The following LINGO2 variants were observed in gnomAD, a reference collection of about 807,000 sequenced individuals.
The protein encoded by LINGO2 is leucine-rich repeat and immunoglobulin-like domain-containing nogo receptor-interacting protein 2.
Under a neutral mutation model 30.6 loss-of-function variants are expected in LINGO2, and 14 were observed. The ratio of observed to expected loss-of-function variants is 0.46; its 90% CI spans 0.30 to 0.72. The LOEUF (loss-of-function observed/expected upper bound fraction) is 0.72, where lower values mean the gene tolerates loss of function less well. LINGO2 is among the 30% of genes least tolerant of loss of function. The probability of loss-of-function intolerance (pLI) is 0.07; values close to 1 mark genes in which losing one functional copy is unlikely to be tolerated. For synonymous variants in LINGO2, 317 were observed against 288.5 expected (o/e 1.10, Z -1.00); for missense variants, 729 against 751.7 (o/e 0.97, Z 0.35).
At chr9:28,774,203 C>T in the LINGO2 span, among the ~76,000 whole-genome samples, 1 of 152,034 alleles carries the variant, frequency 6.6e-6, no homozygotes, top group African/African-American at 2.4e-5. Context: ...TCAGGAGGTT[C>T]AAGTTTCTAT....
chr9:28,937,075 C>T, the LINGO2 span, among the ~76,000 whole-genome samples: 1 of 152,128 alleles, frequency 6.6e-6, no homozygotes, highest in South Asian at 2.1e-4. Flanking sequence ...TTCTTAAAGA[C>T]ACTGTCTCTA....
intron 4 of LINGO2, among the ~76,000 whole-genome samples, chr9:28,110,279 A>T (rs947862049): frequency 2.0e-5 from 3 of 152,194 alleles, no homozygotes; most frequent in African/African-American, 7.2e-5. Context: ...TAAAACTCCA[A>T]ACCATAAAAA....
chr9:28,387,736 A>G (rs1041941743), intron 2 of LINGO2, among the ~76,000 whole-genome samples: 1 of 152,196 alleles, frequency 6.6e-6, no homozygotes, highest in African/African-American at 2.4e-5. Flanking sequence ...CAGCAAGACT[A>G]CAAACCCACT....
In LINGO2 at chr9:28,272,061, T is replaced by C. The variant is rs146539126; in HGVS notation, c.-87+23147A>G. 2.9e-3 allele frequency among the ~76,000 whole-genome samples: 435 copies of C among 152,278 alleles called. 8 individuals are homozygous for C. The highest frequency in any genetic ancestry group is 3.1e-3 in the Non-Finnish European group (214 of 68,020). On this transcript the variant is annotated intron_variant, in intron 4 of 5. Coordinates refer to ENST00000379992, the Ensembl canonical transcript of LINGO2. ...CCAGTCAACTAAGACCTTTCCTGCA[T>C]CCTTACTTCTTCCCCATGTCATCCA... is the stretch of plus-strand genomic sequence containing the variant.
At chr9:28,122,508 T>C (rs1017448790) in intron 4 of LINGO2, among the ~76,000 whole-genome samples, 3 of 152,232 alleles carry the variant, frequency 2.0e-5, no homozygotes, top group Non-Finnish European at 4.4e-5. Context: ...TTTGCTAACC[T>C]GTCCAGAATC....
At chr9:27,967,024 GAT>G (rs1820136561) in intron 5 of LINGO2, among the ~76,000 whole-genome samples, 1 of 152,124 alleles carries the variant, frequency 6.6e-6, no homozygotes, top group Non-Finnish European at 1.5e-5. Context: ...TTGAACAAAA[GAT>G]AATCTCTCTG....
intron 1 of LINGO2, among the ~76,000 whole-genome samples, chr9:28,618,109 A>C (rs1444778528): frequency 6.6e-6 from 1 of 152,138 alleles, no homozygotes; most frequent in East Asian, 1.9e-4. Context: ...ATTATGAGAT[A>C]AAACTGGTCT....
At chr9:28,355,233 A>C (rs12553137) in intron 3 of LINGO2, among the ~76,000 whole-genome samples, 5,115 of 127,100 alleles carry the variant, frequency 0.04, 126 homozygotes, top group East Asian at 0.1. Context: ...ATCTGTCTCT[A>C]TCTCTCTCTG....
At chr9:29,124,534 A>G in the LINGO2 span, among the ~76,000 whole-genome samples, 5 of 152,350 alleles carry the variant, frequency 3.3e-5, no homozygotes, top group South Asian at 1.0e-3. Flanking sequence ...GCTAATATCC[A>G]GAATCTACAA....
intron 1 of LINGO2, among the ~76,000 whole-genome samples, chr9:28,667,221 C>T (rs573931559): frequency 6.6e-6 from 1 of 152,212 alleles, no homozygotes; most frequent in African/African-American, 2.4e-5. Context: ...TTGTAATTTT[C>T]ACAGTTTTTT....
intron 1 of LINGO2, among the ~76,000 whole-genome samples, chr9:28,538,396 T>A (rs1485586932): frequency 6.6e-6 from 1 of 151,962 alleles, no homozygotes; most frequent in Non-Finnish European, 1.5e-5. Flanking sequence ...TTGGAAGAGG[T>A]TGATAGAGAT....
At chr9:28,689,367 A>G in the LINGO2 span, among the ~76,000 whole-genome samples, 164 of 152,308 alleles carry the variant, frequency 1.1e-3, no homozygotes, top group African/African-American at 3.8e-3. Flanking sequence ...CAGGTAAAAA[A>G]CAAACAACCA....
intron 1 of LINGO2, among the ~76,000 whole-genome samples, chr9:28,500,091 T>C (rs1266095284): frequency 6.6e-6 from 1 of 152,146 alleles, no homozygotes; most frequent in Non-Finnish European, 1.5e-5. Context: ...CTCCCTGTTT[T>C]GGTCTTGGCT....
chr9:29,066,681 T>G, the LINGO2 span, among the ~76,000 whole-genome samples: 35 of 152,024 alleles, frequency 2.3e-4, no homozygotes, highest in Non-Finnish European at 4.3e-4. Context: ...ATATAGAGAA[T>G]GAAAGTGTCA....
chr9:28,342,775 G>C (rs1392632017), intron 3 of LINGO2, among the ~76,000 whole-genome samples: 1 of 151,596 alleles, frequency 6.6e-6, no homozygotes, highest in Non-Finnish European at 1.5e-5. Context: ...GACTCTACAT[G>C]GTTAAAACAT....
chr9:28,891,886 A>C, the LINGO2 span, among the ~76,000 whole-genome samples: 1 of 151,920 alleles, frequency 6.6e-6, no homozygotes, highest in African/African-American at 2.4e-5. Context: ...GAATGCTGTA[A>C]GGCACTTAAA....
At chr9:28,784,809 G>A in the LINGO2 span, among the ~76,000 whole-genome samples, 1 of 151,990 alleles carries the variant, frequency 6.6e-6, no homozygotes, top group East Asian at 1.9e-4. Context: ...AAAGTTAGCT[G>A]GGCGTGGTGG....
At chr9:28,435,303 T>G (rs541605724) in intron 2 of LINGO2, among the ~76,000 whole-genome samples, 1 of 152,342 alleles carries the variant, frequency 6.6e-6, no homozygotes. Context: ...AACACTCTAG[T>G]ACCTTTATAA....
intron 2 of LINGO2, among the ~76,000 whole-genome samples, chr9:28,468,012 G>A (rs746345990): frequency 1.2e-4 from 18 of 151,944 alleles, no homozygotes; most frequent in Non-Finnish European, 2.5e-4. Flanking sequence ...AAATAATCAG[G>A]AAAGTAGCAG....
Sources: gnomAD v4.1 joint callset for allele counts (sites outside exome capture counted in the v4.1 genomes callset) on GRCh38, gnomAD v4.1.1 for gene constraint, MANE v1.5 for transcripts, NCBI Gene and HGNC (gene_info 2026-07-23, HGNC 2026-07-21) for gene names.